MDGA2: variants seen among roughly 807,000 people sequenced by gnomAD.
MDGA2 encodes MAM domain containing glycosylphosphatidylinositol anchor 2, also known as MAM domain-containing glycosylphosphatidylinositol anchor protein 2.
MDGA2 carries 40 observed loss-of-function variants against 117.8 expected under a neutral mutation model. That is an observed-to-expected ratio of 0.34 (90% CI 0.26 to 0.44). The LOEUF is 0.44. MDGA2 is among the 20% of genes least tolerant of loss of function. MDGA2 has a pLI of 1.00. For missense variants in MDGA2, 1,123 were observed against 1,250.6 expected (o/e 0.90, Z 1.54); for synonymous variants, 452 against 439.0 (o/e 1.03, Z -0.37).
intron 7 of MDGA2, among the ~76,000 whole-genome samples, chr14:47,054,533 T>C (rs1401177785): frequency 6.8e-6 from 1 of 147,876 alleles, no homozygotes; most frequent in Non-Finnish European, 1.5e-5. Context: ...TTCTCATTGT[T>C]CAATTCCCAC....
intron 4 of MDGA2, among the ~76,000 whole-genome samples, chr14:47,137,601 C>G (rs1882519325): frequency 6.6e-6 from 1 of 152,102 alleles, no homozygotes; most frequent in Non-Finnish European, 1.5e-5. Flanking sequence ...GCATGAAGCC[C>G]TCACCAGACG....
At chr14:47,068,579 G>A (rs1202559929) in intron 6 of MDGA2, among the ~76,000 whole-genome samples, 1 of 151,812 alleles carries the variant, frequency 6.6e-6, no homozygotes, top group Non-Finnish European at 1.5e-5. Flanking sequence ...GCCCTATAAT[G>A]TTAAAAATTA....
intron 1 of MDGA2, among the ~76,000 whole-genome samples, chr14:47,422,407 G>A (rs982744915): frequency 2.6e-4 from 40 of 152,196 alleles, no homozygotes; most frequent in African/African-American, 8.9e-4. Flanking sequence ...GCCTCCTCCA[G>A]CTTCCAGGTT....
chr14:46,888,329 A>C (rs1038958410), intron 10 of MDGA2, among the ~76,000 whole-genome samples: 75 of 151,930 alleles, frequency 4.9e-4, no homozygotes, highest in African/African-American at 1.7e-3. Context: ...ATGGGTTCTA[A>C]ACAATACAGC....
chr14:47,505,263 A>G (rs1034010582), intron 1 of MDGA2, among the ~76,000 whole-genome samples: 4 of 152,142 alleles, frequency 2.6e-5, no homozygotes, highest in Non-Finnish European at 4.4e-5. Flanking sequence ...TACAAGTAGG[A>G]GGAATAAATT....
chr14:47,258,751 C>A (rs1406258789), intron 2 of MDGA2, among the ~76,000 whole-genome samples: 1 of 151,502 alleles, frequency 6.6e-6, no homozygotes, highest in East Asian at 1.9e-4. Flanking sequence ...TCTAATAATT[C>A]ATGTACTTGG....
chr14:47,165,654 A>C lies in MDGA2; in HGVS notation c.596-21380T>G, dbSNP rs1883839521. ...GGTTCCACTCTGAGCTGCTTATATA[A>C]ATCAAAGTGGAAGGGTCTCCAATGC... On this transcript the variant is annotated intron_variant, in intron 3 of 16. Transcript: ENST00000399232. Among the ~76,000 whole-genome samples the C allele has an allele frequency of 5.3e-5, 8 of 152,320 alleles. 1 individual carries two copies. In the South Asian group the frequency reaches 1.7e-3, roughly 32 times the overall value.
At chr14:47,264,212 A>C (rs1887889964) in intron 2 of MDGA2, among the ~76,000 whole-genome samples, 1 of 152,162 alleles carries the variant, frequency 6.6e-6, no homozygotes, top group African/African-American at 2.4e-5. Flanking sequence ...ATCACATACT[A>C]CTGAAAATTT....
intron 8 of MDGA2, among the ~76,000 whole-genome samples, chr14:47,015,416 T>C (rs1245703881): frequency 7.2e-6 from 1 of 138,860 alleles, no homozygotes; most frequent in Non-Finnish European, 1.6e-5. Context: ...TAAAGGACAA[T>C]AAAACAAAAT....
At chr14:47,599,040 G>A (rs182335534) in intron 1 of MDGA2, among the ~76,000 whole-genome samples, 1 of 151,810 alleles carries the variant, frequency 6.6e-6, no homozygotes, top group African/African-American at 2.4e-5. Flanking sequence ...TACGAATCTC[G>A]TGTGCTACAA....
intron 9 of MDGA2, among the ~76,000 whole-genome samples, chr14:46,922,412 G>T (rs1884167665): frequency 6.6e-6 from 1 of 152,074 alleles, no homozygotes; most frequent in African/African-American, 2.4e-5. Context: ...TGTGTAGGCT[G>T]CTATAAAACA....
chr14:47,093,828 C>A (rs2138961628), intron 6 of MDGA2, among the ~76,000 whole-genome samples: 1 of 152,144 alleles, frequency 6.6e-6, no homozygotes, highest in East Asian at 1.9e-4. Context: ...CATGGACATT[C>A]TTAAATGAGG....
chr14:47,086,951 T>C lies in MDGA2; in HGVS notation c.1195+9903A>G, dbSNP rs147720468. Reference sequence around the variant, plus strand: ...TTTGTGCATAAGTGTATGAACTCTATGGCCTCAGGGACTTTTCCCTTATAG... The same window carrying C: ...TTTGTGCATAAGTGTATGAACTCTACGGCCTCAGGGACTTTTCCCTTATAG... On this transcript the variant is annotated intron_variant, in intron 6 of 16. Coordinates refer to ENST00000399232, the MANE Select transcript of MDGA2 (RefSeq NM_001113498.3). Among the ~76,000 whole-genome samples the C allele has an allele frequency of 8.8e-3, 1,348 of 152,330 alleles. 13 individuals carry two copies. The highest frequency in any genetic ancestry group is 0.013 in the Non-Finnish European group (869 of 68,026).
intron 1 of MDGA2, among the ~76,000 whole-genome samples, chr14:47,495,364 A>G (rs972728655): frequency 2.0e-5 from 3 of 152,098 alleles, no homozygotes; most frequent in Non-Finnish European, 4.4e-5. Flanking sequence ...TTACCATTAC[A>G]CAATACATCC....
intron 1 of MDGA2, among the ~76,000 whole-genome samples, chr14:47,302,584 C>T (rs548595219): frequency 1.1e-4 from 17 of 152,126 alleles, no homozygotes; most frequent in African/African-American, 2.9e-4. Flanking sequence ...TAAAAATTAA[C>T]GCCAGTGCCA....
At chr14:47,340,728 A>G (rs979175442) in intron 1 of MDGA2, among the ~76,000 whole-genome samples, 1 of 152,200 alleles carries the variant, frequency 6.6e-6, no homozygotes, top group Non-Finnish European at 1.5e-5. Flanking sequence ...GGCAAATGTC[A>G]ATTAAGTTCC....
At chr14:47,543,235 C>A (rs1243893214) in intron 1 of MDGA2, among the ~76,000 whole-genome samples, 2 of 151,856 alleles carry the variant, frequency 1.3e-5, no homozygotes, top group African/African-American at 4.8e-5. Context: ...GAAAATAGAT[C>A]TATAAAAGTA....
intron 1 of MDGA2, among the ~76,000 whole-genome samples, chr14:47,666,438 C>T (rs1897964898): frequency 6.6e-6 from 1 of 151,762 alleles, no homozygotes; most frequent in South Asian, 2.1e-4. Flanking sequence ...TTTGTAAATG[C>T]ACCAATCAGC....
At chr14:46,954,370 T>C (rs913330787) in intron 9 of MDGA2, among the ~76,000 whole-genome samples, 1 of 151,994 alleles carries the variant, frequency 6.6e-6, no homozygotes, top group African/African-American at 2.4e-5. Flanking sequence ...GTATTTGTTA[T>C]CTAAGACTGC....
Sources: gnomAD v4.1 joint callset for allele counts (sites outside exome capture counted in the v4.1 genomes callset) on GRCh38, gnomAD v4.1.1 for gene constraint, MANE v1.5 for transcripts, NCBI Gene and HGNC (gene_info 2026-07-23, HGNC 2026-07-21) for gene names.